PHKA2: variants seen among roughly 807,000 people sequenced by gnomAD.
PHKA2 encodes the protein phosphorylase kinase regulatory subunit alpha 2.
PHKA2 carries 31 observed loss-of-function variants against 102.0 expected under a neutral mutation model. The ratio of observed to expected loss-of-function variants is 0.30; its 90% CI spans 0.23 to 0.41. The LOEUF is 0.41. Ranked by LOEUF, PHKA2 falls within the 10% of genes least tolerant of loss-of-function variation. PHKA2 has a pLI of 1.00. For synonymous variants in PHKA2, 455 were observed against 416.2 expected (o/e 1.09, Z -1.13); for missense variants, 858 against 1,023.1 (o/e 0.84, Z 2.20).
intron 12 of PHKA2, among the ~76,000 whole-genome samples, chrX:18,930,488 G>A (rs1208590222): frequency 3.6e-5 from 4 of 110,867 alleles, no homozygotes; most frequent in Non-Finnish European, 7.6e-5. Context: ...CATCAGAGAG[G>A]AGAAAGCAGG....
chrX:18,970,238 TA>T (rs1225315285), intron 1 of PHKA2, among the ~76,000 whole-genome samples: 4 of 112,108 alleles, frequency 3.6e-5, no homozygotes, highest in Non-Finnish European at 5.6e-5. Flanking sequence ...CCCTGTCTCA[TA>T]AAAAAAGTAT....
chrX:18,928,022 G>A (rs2048242045), intron 13 of PHKA2, among the ~76,000 whole-genome samples: 1 of 112,149 alleles, frequency 8.9e-6, no homozygotes, highest in African/African-American at 3.2e-5. Flanking sequence ...TTAAACAAAT[G>A]CTGGTCAACA....
At chrX:18,948,607 A>T (rs2048625746) in intron 5 of PHKA2, 137 bp downstream of exon 5, 1 of 508,406 alleles carries the variant, frequency 2.0e-6, no homozygotes, top group Non-Finnish European at 3.7e-6. Flanking sequence ...TTGTGTGTGG[A>T]GGTGACACAA....
rs891656580 is a variant in PHKA2 at position 18,906,885 on chromosome X, C to T, written c.2598-71G>A. 1.3e-5 allele frequency: 14 copies of T among 1,037,778 alleles called. No homozygotes were observed. The East Asian group carries it at 1.8e-4, about 13-fold the overall frequency. 85.5% of individuals were successfully genotyped at this position (1,037,778 alleles called of 1,213,427 possible). On this transcript the variant is annotated intron_variant, in intron 23 of 32. Transcript: ENST00000379942. ...CAGTGCCTCCTCGCCCTCCATGGAA[C>T]ACCCTTATTTTCTGTGCTAGACGCA...
intron 18 of PHKA2, among the ~76,000 whole-genome samples, chrX:18,919,728 C>CAAAAAAAAAAAAAAAAAAA (rs56042937): frequency 7.3e-5 from 2 of 27,570 alleles, no homozygotes; most frequent in Non-Finnish European, 1.5e-4. Flanking sequence ...CAAACAACAA[C>CAAAAAAAAAAAAAAAAAAA]AAAAAAAAAA....
intron 30 of PHKA2, 136 bp from the exon 31 acceptor site, chrX:18,895,327 C>CA (rs748074015): frequency 2.1e-4 from 118 of 572,540 alleles, no homozygotes; most frequent in Non-Finnish European, 3.3e-4. Flanking sequence ...GCCAGACTGT[C>CA]AGAGTTATTT....
In PHKA2 at chrX:18,894,229, GCCATCTGCAC is replaced by G; in HGVS notation, c.3502_3511del (p.Val1168ProfsTer42). ...CTGGTCCTGCAAGAACAGCTGACTG[GCCATCTGCAC>G]GATCTGGTCCACGTGGATGATGCCC... On this transcript the variant is annotated frameshift_variant, in exon 32 of 33. Transcript: ENST00000379942. LOFTEE classifies it high-confidence loss of function. 8.3e-7 allele frequency: 1 copy of G among 1,211,354 alleles called. No individual in the cohort carries two copies. Among genetic ancestry groups the G allele is most frequent in the Non-Finnish European group, 1.1e-6 (1 of 895,111 alleles).
intron 1 of PHKA2, among the ~76,000 whole-genome samples, chrX:18,971,246 T>C (rs1426626657): frequency 8.9e-6 from 1 of 112,656 alleles, no homozygotes; most frequent in Non-Finnish European, 1.9e-5. Context: ...CTTAGAATTA[T>C]GCTTTAAAAC....
At chrX:18,905,080 G>A (rs1374405715) in intron 26 of PHKA2, among the ~76,000 whole-genome samples, 1 of 111,618 alleles carries the variant, frequency 9.0e-6, no homozygotes, top group Non-Finnish European at 1.9e-5. Context: ...ATGTGAGGCC[G>A]GGTTGAGAAT....
At chrX:18,918,359 C>T (rs1462054279) in intron 19 of PHKA2, among the ~76,000 whole-genome samples, 1 of 112,407 alleles carries the variant, frequency 8.9e-6, no homozygotes, top group African/African-American at 3.2e-5. Context: ...TAAACTTTAA[C>T]CCCTTGGTGG....
At position 18,920,547 on chromosome X, in the gene PHKA2, GT is replaced by G. The variant is rs748935733; in HGVS notation, c.1794-347del. 1.7e-3 allele frequency among the ~76,000 whole-genome samples: 185 copies of G among 112,065 alleles called. 1 individual carries two copies. Among genetic ancestry groups the G allele is most frequent in the Non-Finnish European group, 8.6e-4 (46 of 53,198 alleles). ...CAGAACCAACCCATGTTTTTGTTTT[GT>G]TTTTTCCCCCAAAACGACTGGCCCA... is the stretch of plus-strand genomic sequence containing the variant. On this transcript the variant is annotated intron_variant, in intron 17 of 32. Coordinates refer to ENST00000379942, the MANE Select transcript of PHKA2 (RefSeq NM_000292.3).
chrX:18,924,058 G>A lies in PHKA2; in HGVS notation c.1791C>T (p.Ala597=). ...RKLEDGYFGG[A]RVKLGNLSEF... ...TTTTTAAAAAAATCACAAATTACCT[G>A]GCTCCTCCAAAATATCCATCCTCTA... The change falls in exon 17 of 33, where the codon GCC becomes GCT. Residue 597 remains alanine (A), a splice_region_variant and synonymous_variant. Transcript: ENST00000379942. 2.5e-6 allele frequency: 3 copies of A among 1,180,272 alleles called. No homozygotes were observed. The highest frequency in any genetic ancestry group is 1.8e-5 in the South Asian group (1 of 56,323).
intron 4 of PHKA2, among the ~76,000 whole-genome samples, chrX:18,950,615 T>C (rs1221182950): frequency 8.9e-6 from 1 of 112,678 alleles, no homozygotes; most frequent in Non-Finnish European, 1.9e-5. Flanking sequence ...GAAGCATGCT[T>C]TTCTTTTGTG....
chrX:18,982,663 G>T (rs1184992478), intron 1 of PHKA2, among the ~76,000 whole-genome samples: 1 of 111,236 alleles, frequency 9.0e-6, no homozygotes, highest in Admixed American at 9.5e-5. Flanking sequence ...GTGAAACCCC[G>T]TCACTACTAA....
intron 21 of PHKA2, 138 bp downstream of exon 21, chrX:18,908,663 G>C (rs113837061): frequency 3.1e-5 from 17 of 548,748 alleles, no homozygotes; most frequent in Non-Finnish European, 5.5e-5. Context: ...TGAGAAAACA[G>C]GCCTTCCCAG....
chrX:18,948,421 C>G (rs1488172901), intron 5 of PHKA2, among the ~76,000 whole-genome samples: 1 of 111,970 alleles, frequency 8.9e-6, no homozygotes, highest in Non-Finnish European at 1.9e-5. Context: ...CTGCAGTGAG[C>G]TGAGATCATG....
chrX:18,935,192 T>G, intron 11 of PHKA2, among the ~76,000 whole-genome samples: 2 of 112,084 alleles, frequency 1.8e-5, no homozygotes. Context: ...CTTCTAACCA[T>G]GAGATATTGA....
At chrX:18,895,300 T>C in intron 30 of PHKA2, 109 bp from the exon 31 acceptor site, 2 of 702,102 alleles carry the variant, frequency 2.8e-6, no homozygotes, top group Non-Finnish European at 4.6e-6. Flanking sequence ...TGGAAACCCA[T>C]ATGAGGGCTG....
intron 5 of PHKA2, among the ~76,000 whole-genome samples, chrX:18,946,977 T>G (rs149490861): frequency 0.01 from 1,139 of 109,669 alleles, 8 homozygotes; most frequent in Non-Finnish European, 0.017. Flanking sequence ...CAACCAAAAA[T>G]GTCTCCAGAC....
Sources: gnomAD v4.1 joint callset for allele counts (sites outside exome capture counted in the v4.1 genomes callset) on GRCh38, gnomAD v4.1.1 for gene constraint, MANE v1.5 for transcripts, NCBI Gene and HGNC (gene_info 2026-07-23, HGNC 2026-07-21) for gene names.